Variants in PCGF5 observed in about 807,000 individuals in gnomAD.
PCGF5 encodes the protein polycomb group RING finger protein 5.
Under a neutral mutation model 44.3 loss-of-function variants are expected in PCGF5, and 9 were observed. The observed-to-expected ratio is 0.20, with a 90% CI of 0.12 to 0.35. The LOEUF (loss-of-function observed/expected upper bound fraction) is 0.35. PCGF5 is among the 10% of genes least tolerant of loss of function. The pLI is 1.00. For missense variants in PCGF5, 146 were observed against 305.3 expected (o/e 0.48, Z 3.89); for synonymous variants, 95 against 102.5 (o/e 0.93, Z 0.44).
intron 1 of PCGF5, among the ~76,000 whole-genome samples, chr10:91,195,546 G>A (rs1294256538): frequency 1.3e-5 from 2 of 151,284 alleles, no homozygotes; most frequent in East Asian, 1.9e-4. Flanking sequence ...GTGCAGTGGT[G>A]CAGTCACGGC....
At chr10:91,249,176 G>T (rs959982344) in intron 5 of PCGF5, among the ~76,000 whole-genome samples, 2 of 151,778 alleles carry the variant, frequency 1.3e-5, no homozygotes, top group African/African-American at 4.8e-5. Flanking sequence ...CTGGAATGAA[G>T]TTTTTATAAG....
chr10:91,158,796 C>A (rs933641269), upstream of PCGF5, among the ~76,000 whole-genome samples: 20 of 152,310 alleles, frequency 1.3e-4, no homozygotes, highest in African/African-American at 3.6e-4. Context: ...AGAGTTGACA[C>A]CCTGTAGGCT....
At chr10:91,276,073 C>T (rs1296630187) in intron 9 of PCGF5, among the ~76,000 whole-genome samples, 1 of 148,260 alleles carries the variant, frequency 6.7e-6, no homozygotes, top group African/African-American at 2.5e-5. Flanking sequence ...TTAAATGAAA[C>T]TAAATAATAT....
Position 91,236,434 on chromosome 10 carries a change from C to T in PCGF5, c.113-4050C>T, listed in dbSNP as rs117970702. On this transcript the variant is annotated intron_variant, in intron 2 of 9. Transcript: ENST00000336126. Reference sequence around the variant, plus strand: ...CTGAGGACATCTTTGGTGAGCCTAACTCCCTTTCTGACCCAGGTGCTTCTT... The same window carrying T: ...CTGAGGACATCTTTGGTGAGCCTAATTCCCTTTCTGACCCAGGTGCTTCTT... 9.2e-5 allele frequency among the ~76,000 whole-genome samples: 14 copies of T among 152,322 alleles called. No individual in the cohort carries two copies. In the East Asian group the frequency reaches 2.5e-3, roughly 27 times the overall value.
chr10:91,221,194 C>G (rs139615394), intron 1 of PCGF5, among the ~76,000 whole-genome samples: 28 of 152,288 alleles, frequency 1.8e-4, no homozygotes, highest in South Asian at 4.1e-4. Flanking sequence ...AAAGTTCCCC[C>G]TTGCCCCCGC....
At chr10:91,271,855 A>AT (rs1846189524) in intron 9 of PCGF5, among the ~76,000 whole-genome samples, 158 bp downstream of exon 9, 1 of 152,220 alleles carries the variant, frequency 6.6e-6, no homozygotes, top group Admixed American at 6.5e-5. Flanking sequence ...ATTTCCCATT[A>AT]TTTTAGTTCT....
At chr10:91,256,006 T>A (rs978823943) in intron 6 of PCGF5, among the ~76,000 whole-genome samples, 2 of 152,088 alleles carry the variant, frequency 1.3e-5, no homozygotes, top group Non-Finnish European at 2.9e-5. Context: ...ATTTTTATTG[T>A]TTTTAAAAAT....
upstream of PCGF5, among the ~76,000 whole-genome samples, chr10:91,216,820 T>G (rs1194041271): frequency 6.6e-6 from 1 of 152,198 alleles, no homozygotes; most frequent in Non-Finnish European, 1.5e-5. Context: ...CATACATCAT[T>G]GATTTTAGGC....
upstream of PCGF5, among the ~76,000 whole-genome samples, chr10:91,161,380 A>G (rs529919432): frequency 6.6e-6 from 1 of 152,344 alleles, no homozygotes; most frequent in Admixed American, 6.5e-5. Context: ...CAAGCAGCGC[A>G]TCGGAGAAAA....
chr10:91,264,307 A>G, intron 7 of PCGF5, 124 bp from the exon 8 acceptor site: 1 of 721,342 alleles, frequency 1.4e-6, no homozygotes, highest in Non-Finnish European at 2.2e-6. Context: ...AATGCCTCCT[A>G]TTTAAAATAA....
At chr10:91,213,092 A>T (rs1360926166) in intron 1 of PCGF5, among the ~76,000 whole-genome samples, 1 of 152,180 alleles carries the variant, frequency 6.6e-6, no homozygotes, top group Non-Finnish European at 1.5e-5. Flanking sequence ...GAGTGTTCTT[A>T]TGTGCAGTTT....
chr10:91,258,150 G>A (rs1017886517), intron 6 of PCGF5, among the ~76,000 whole-genome samples: 14 of 152,106 alleles, frequency 9.2e-5, no homozygotes, highest in East Asian at 1.9e-4. Context: ...GGAAGGTTGC[G>A]GAGTGACTGT....
intron 1 of PCGF5, among the ~76,000 whole-genome samples, chr10:91,214,680 A>G (rs1299013530): frequency 6.6e-6 from 1 of 152,238 alleles, no homozygotes; most frequent in East Asian, 1.9e-4. Context: ...GTAGAGGAGC[A>G]CGACAAACAG....
rs936412520 is a variant in PCGF5 at position 91,284,080 on chromosome 10, C to T, written c.*5764C>T. 1 of 152,340 alleles carries T rather than the reference C, an allele frequency of 6.6e-6. No individual in the cohort carries two copies. Among genetic ancestry groups the T allele is most frequent in the Non-Finnish European group, 1.5e-5 (1 of 68,002 alleles). 9.4% of individuals were successfully genotyped at this position (152,340 alleles called of 1,614,324 possible). A position where few individuals can be genotyped will look rare whatever the true frequency, so the allele number is the denominator to read the frequency against. On this transcript the variant is annotated 3_prime_UTR_variant, in exon 10 of 10. Coordinates refer to ENST00000336126, the MANE Select transcript of PCGF5 (RefSeq NM_032373.5). ...AATAAAATGCTGCTTAGAGATTCTC[C>T]TTAAATATTTTTTATTTTTGTGCTC...
At chr10:91,191,597 T>C (rs1310698680) in intron 1 of PCGF5, among the ~76,000 whole-genome samples, 1 of 152,196 alleles carries the variant, frequency 6.6e-6, no homozygotes. Context: ...TCAGACACAA[T>C]TGTGTTTTAC....
At chr10:91,175,983 T>C (rs1010048894) in intron 1 of PCGF5, among the ~76,000 whole-genome samples, 6 of 152,206 alleles carry the variant, frequency 3.9e-5, no homozygotes, top group African/African-American at 1.4e-4. Flanking sequence ...TGCTCGTTAG[T>C]TGATGCAGTT....
intron 3 of PCGF5, among the ~76,000 whole-genome samples, chr10:91,247,965 G>A (rs1049432978): frequency 6.6e-6 from 1 of 152,106 alleles, no homozygotes; most frequent in Non-Finnish European, 1.5e-5. Context: ...GCTGTGCATT[G>A]GGTAATCTGC....
intron 1 of PCGF5, among the ~76,000 whole-genome samples, chr10:91,204,510 C>T (rs1342013966): frequency 6.6e-6 from 1 of 152,076 alleles, no homozygotes; most frequent in Admixed American, 6.5e-5. Context: ...GTTCCAGGCA[C>T]ATTTTCACAA....
At chr10:91,255,455 T>C (rs952976271) in intron 6 of PCGF5, among the ~76,000 whole-genome samples, 1 of 151,952 alleles carries the variant, frequency 6.6e-6, no homozygotes, top group Non-Finnish European at 1.5e-5. Context: ...TCTGCACGAG[T>C]AGGAAGTGAA....
Sources: allele counts gnomAD v4.1 joint callset (sites outside exome capture counted in the v4.1 genomes callset), GRCh38; gene constraint gnomAD v4.1.1; transcripts MANE v1.5; gene names NCBI Gene and HGNC (gene_info 2026-07-23, HGNC 2026-07-21).